SYN3: variants seen among roughly 807,000 people sequenced by gnomAD.
The protein encoded by SYN3 is synapsin III, also known as synapsin-3.
In SYN3, 35 loss-of-function variants were observed where a neutral mutation model predicts 65.8. The ratio of observed to expected loss-of-function variants is 0.53; its 90% CI spans 0.41 to 0.70. SYN3 has a LOEUF of 0.70. SYN3 is among the 30% of genes least tolerant of loss of function. The probability of loss-of-function intolerance (pLI) is 0.00; values close to 1 mark genes in which losing one functional copy is unlikely to be tolerated. For synonymous variants in SYN3, 270 were observed against 292.9 expected, an observed-to-expected ratio of 0.92 and a Z score of 0.80; for missense variants, 680 against 749.0, an observed-to-expected ratio of 0.91 and a Z score of 1.08.
At chr22:32,604,603 T>TTTTCTAGGCCA (rs2059340128) in intron 6 of SYN3, among the ~76,000 whole-genome samples, 1 of 117,250 alleles carries the variant, frequency 8.5e-6, no homozygotes. Flanking sequence ...GCTGAAATTC[T>TTTTCTAGGCCA]GTCCCTGAAA....
chr22:32,574,074 G>A (rs941708758), intron 7 of SYN3, among the ~76,000 whole-genome samples: 1 of 151,800 alleles, frequency 6.6e-6, no homozygotes, highest in African/African-American at 2.4e-5. Flanking sequence ...CACTGAGCTT[G>A]GCTGGGGTTT....
chr22:32,802,629 A>C lies in SYN3; in HGVS notation c.711+62286T>G, dbSNP rs79738219. On this transcript the variant is annotated intron_variant, in intron 6 of 13. Transcript: ENST00000358763. Reference sequence around the variant, plus strand: ...AAATTCATTCTTTTCACTGAGACCCAACCCAGCTGCAGGCTTCCCAGGCAA... The same window carrying C: ...AAATTCATTCTTTTCACTGAGACCCCACCCAGCTGCAGGCTTCCCAGGCAA... Among the ~76,000 whole-genome samples, 1,169 of 152,192 alleles carry C rather than the reference A, an allele frequency of 7.7e-3. 11 individuals are homozygous for C. The highest frequency in any genetic ancestry group is 0.026 in the African/African-American group (1,059 of 41,504).
chr22:32,656,150 T>C (rs980905307), intron 6 of SYN3, among the ~76,000 whole-genome samples: 16 of 152,378 alleles, frequency 1.1e-4, no homozygotes, highest in Non-Finnish European at 1.5e-4. Flanking sequence ...TACCGTCTAC[T>C]GTTTCACAAG....
intron 6 of SYN3, among the ~76,000 whole-genome samples, chr22:32,770,885 T>C (rs9621555): frequency 9.2e-5 from 14 of 151,970 alleles, no homozygotes; most frequent in African/African-American, 3.4e-4. Flanking sequence ...ATGTGTTCAG[T>C]TATTATTATT....
intron 4 of SYN3, among the ~76,000 whole-genome samples, chr22:32,914,932 T>C (rs1004797448): frequency 2.0e-5 from 3 of 152,190 alleles, no homozygotes; most frequent in Non-Finnish European, 4.4e-5. Flanking sequence ...AGTTCTCATA[T>C]AACCAGGTGC....
chr22:32,820,862 T>A (rs2047226858), intron 6 of SYN3, among the ~76,000 whole-genome samples: 1 of 152,194 alleles, frequency 6.6e-6, no homozygotes, highest in Admixed American at 6.5e-5. Context: ...GATGTATGAA[T>A]GATAAAGAGC....
chr22:32,602,723 G>T (rs1028651315), intron 6 of SYN3, among the ~76,000 whole-genome samples: 4 of 152,190 alleles, frequency 2.6e-5, no homozygotes, highest in Non-Finnish European at 5.9e-5. Flanking sequence ...GCCTCCCAAA[G>T]TGCTGAGATT....
At chr22:32,701,151 GTAA>G (rs1169580938) in intron 6 of SYN3, among the ~76,000 whole-genome samples, 1 of 152,204 alleles carries the variant, frequency 6.6e-6, no homozygotes. Flanking sequence ...TCTCTGCAGA[GTAA>G]TAATAAGACT....
intron 4 of SYN3, among the ~76,000 whole-genome samples, chr22:32,914,000 A>G (rs983309167): frequency 1.3e-5 from 2 of 152,222 alleles, no homozygotes; most frequent in African/African-American, 4.8e-5. Flanking sequence ...GCATTGTTGC[A>G]AGGCATGTTT....
chr22:32,665,223 C>G (rs2147032236), intron 6 of SYN3, among the ~76,000 whole-genome samples: 1 of 152,022 alleles, frequency 6.6e-6, no homozygotes, highest in South Asian at 2.1e-4. Flanking sequence ...GTCTTGAACT[C>G]CTGGCCTCAG....
At chr22:32,817,249 T>C (rs1036012808) in intron 6 of SYN3, among the ~76,000 whole-genome samples, 5 of 151,926 alleles carry the variant, frequency 3.3e-5, no homozygotes, top group Non-Finnish European at 5.9e-5. Context: ...GGGAGAGCTG[T>C]TTATTGTATT....
At chr22:32,935,189 C>T (rs1289095769) in intron 3 of SYN3, among the ~76,000 whole-genome samples, 2 of 152,062 alleles carry the variant, frequency 1.3e-5, no homozygotes, top group Non-Finnish European at 1.5e-5. Context: ...CACCAGGGCT[C>T]GAAGAAGGTC....
intron 6 of SYN3, among the ~76,000 whole-genome samples, chr22:32,686,473 C>T (rs1252628619): frequency 6.6e-6 from 1 of 151,688 alleles, no homozygotes; most frequent in Admixed American, 6.6e-5. Flanking sequence ...TCAAATAAAC[C>T]ACTCCATGCC....
In SYN3 at chr22:32,954,291, G is replaced by C. The variant is rs140016147; in HGVS notation, c.370-22810C>G. Reference sequence around the variant, plus strand: ...GAAGGGGAGAAAAAGGGGCCTTTAAGGGGAACAGGATGGTGAGACCACCAC... The same window carrying C: ...GAAGGGGAGAAAAAGGGGCCTTTAACGGGAACAGGATGGTGAGACCACCAC... On this transcript the variant is annotated intron_variant, in intron 3 of 13. Transcript: ENST00000358763. Among the ~76,000 whole-genome samples the C allele has an allele frequency of 6.3e-4, 96 of 152,292 alleles. 1 individual carries two copies. Among genetic ancestry groups the C allele is most frequent in the Non-Finnish European group, 1.1e-3 (75 of 68,036 alleles).
chr22:33,054,868 T>G (rs1375903993), intron 1 of SYN3, among the ~76,000 whole-genome samples: 1 of 152,230 alleles, frequency 6.6e-6, no homozygotes, highest in Non-Finnish European at 1.5e-5. Context: ...ACCATAAGGC[T>G]GGCCACCATC....
At chr22:32,807,391 TATA>T (rs1569239906) in intron 6 of SYN3, among the ~76,000 whole-genome samples, 1 of 103,026 alleles carries the variant, frequency 9.7e-6, no homozygotes, top group Admixed American at 1.2e-4. Flanking sequence ...ATATATTATA[TATA>T]ATATATATAT....
At chr22:33,012,615 G>T (rs761224735) in intron 1 of SYN3, among the ~76,000 whole-genome samples, 11 of 152,230 alleles carry the variant, frequency 7.2e-5, no homozygotes, top group Non-Finnish European at 1.6e-4. Flanking sequence ...ACAACTGTGG[G>T]CAGGAATGAA....
At chr22:32,961,505 C>A (rs531745421) in intron 3 of SYN3, among the ~76,000 whole-genome samples, 16 of 152,296 alleles carry the variant, frequency 1.1e-4, no homozygotes, top group African/African-American at 3.8e-4. Context: ...GGTTTCACCC[C>A]CATCATATAT....
chr22:32,887,157 G>A (rs2049316629), intron 4 of SYN3, among the ~76,000 whole-genome samples: 1 of 152,034 alleles, frequency 6.6e-6, no homozygotes. Context: ...TGGGAGGATC[G>A]CTTGAGTTCA....
Sources: allele counts gnomAD v4.1 joint callset (sites outside exome capture counted in the v4.1 genomes callset), GRCh38; gene constraint gnomAD v4.1.1; transcripts MANE v1.5; gene names NCBI Gene and HGNC (gene_info 2026-07-23, HGNC 2026-07-21).